Variants in SAMHD1 observed in about 807,000 individuals in gnomAD.
SAMHD1 encodes deoxynucleoside triphosphate triphosphohydrolase SAMHD1.
Under a neutral mutation model 79.6 loss-of-function variants are expected in SAMHD1, and 54 were observed. The ratio of observed to expected loss-of-function variants is 0.68; its 90% CI spans 0.55 to 0.85. SAMHD1 has a LOEUF of 0.85. Among genes scored for constraint, SAMHD1 ranks in the 40% least tolerant of loss-of-function variants. SAMHD1 has a pLI of 0.00. For missense variants in SAMHD1, 663 were observed against 782.7 expected, an observed-to-expected ratio of 0.85 and a Z score of 1.82; for synonymous variants, 260 against 264.1, an observed-to-expected ratio of 0.98 and a Z score of 0.15.
In SAMHD1 at chr20:36,892,629, A is replaced by G. The variant is rs565728119; in HGVS notation, c.*303T>C. ...GCAACAGAGCAAAACCTTGTCTCTT[A>G]AAAAAGAAAAAAAATAGAGTTCAGA... On this transcript the variant is annotated 3_prime_UTR_variant, in exon 16 of 16. Transcript: ENST00000646673. 115 of 385,004 alleles carry G rather than the reference A, an allele frequency of 3.0e-4. No individual in the cohort carries two copies. Among genetic ancestry groups the G allele is most frequent in the South Asian group, 2.7e-3 (112 of 42,122 alleles). 23.8% of individuals were successfully genotyped at this position (385,004 alleles called of 1,614,324 possible).
At chr20:36,905,292 C>T (rs555184678) in intron 12 of SAMHD1, 72 bp downstream of exon 12, 32 of 1,486,208 alleles carry the variant, frequency 2.2e-5, no homozygotes, top group South Asian at 7.9e-5. Flanking sequence ...CATAGTATCA[C>T]GATAGGTTAG....
At chr20:36,937,223 T>G (rs1180950197) in intron 3 of SAMHD1, among the ~76,000 whole-genome samples, 2 of 151,740 alleles carry the variant, frequency 1.3e-5, no homozygotes, top group East Asian at 3.9e-4. Context: ...CTCTTCACCA[T>G]TACACAATCT....
chr20:36,905,658 A>G (rs1211718375), intron 11 of SAMHD1, among the ~76,000 whole-genome samples, 155 bp from the exon 12 acceptor site: 2 of 152,180 alleles, frequency 1.3e-5, no homozygotes, highest in Non-Finnish European at 2.9e-5. Context: ...AAAAGATTTA[A>G]GTGAAAAAAC....
At chr20:36,929,945 G>A (rs1211093006) in intron 5 of SAMHD1, among the ~76,000 whole-genome samples, 1 of 151,964 alleles carries the variant, frequency 6.6e-6, no homozygotes, top group African/African-American at 2.4e-5. Context: ...GAAGGACAAG[G>A]CCAGGCGCGG....
chr20:36,920,309 T>G (rs1601132956), intron 6 of SAMHD1, among the ~76,000 whole-genome samples: 1 of 151,806 alleles, frequency 6.6e-6, no homozygotes, highest in Non-Finnish European at 1.5e-5. Flanking sequence ...AGAGGCAGGG[T>G]CTTGATTTGT....
intron 9 of SAMHD1, among the ~76,000 whole-genome samples, chr20:36,912,898 T>TTTTG (rs1411002436): frequency 7.7e-6 from 1 of 130,084 alleles, no homozygotes; most frequent in African/African-American, 3.2e-5. Context: ...TGTTTTTTTT[T>TTTTG]TTTTTTTTTT....
chr20:36,946,404 C>T (rs2063686690), intron 2 of SAMHD1: 5 of 264,576 alleles, frequency 1.9e-5, no homozygotes, highest in South Asian at 1.9e-4. Context: ...CAGAGCGAGA[C>T]TCTGTCTCAA....
At chr20:36,940,652 T>TCTCGG in intron 3 of SAMHD1, 1 of 275,454 alleles carries the variant, frequency 3.6e-6, no homozygotes, top group South Asian at 3.7e-5. Context: ...TGAGCTGAGA[T>TCTCGG]TGCACCACTG....
chr20:36,926,790 AAGTT>A lies in SAMHD1; in HGVS notation c.696+388_696+391del, dbSNP rs758944948. ...ATTTAATATATATGACTTGGCTGGT[AAGTT>A]AGTTCGTGGTCATACCAAATGTGTC... is the stretch of plus-strand genomic sequence containing the variant. On this transcript the variant is annotated intron_variant, in intron 6 of 15. Transcript: ENST00000646673. Among the ~76,000 whole-genome samples the A allele has an allele frequency of 9.1e-4, 138 of 152,288 alleles. 1 individual carries two copies. The highest frequency in any genetic ancestry group is 2.6e-3 in the Admixed American group (39 of 15,284).
At position 36,897,928 on chromosome 20, in the gene SAMHD1, T is replaced by C. The variant is rs770698943; in HGVS notation, c.1640A>G (p.Glu547Gly). The C allele has an allele frequency of 6.2e-7, 1 of 1,614,212 alleles. No individual in the cohort carries two copies. The highest frequency in any genetic ancestry group is 1.7e-5 in the Admixed American group (1 of 60,022). The change falls in exon 15 of 16, where the codon GAG becomes GGG. Residue 547 changes from glutamate (E) to glycine (G), a missense_variant. Transcript: ENST00000646673. ...CTTACAATATACTCGAATCAGCTGCTCTGCAAATTTCTCTGGCAGAAGTTG... is the reference window on the plus strand; with the variant it reads ...CTTACAATATACTCGAATCAGCTGCCCTGCAAATTTCTCTGGCAGAAGTTG... ...VSQLLPEKFAEQLIRVYCKKV... is the reference protein window; with the variant it reads ...VSQLLPEKFAGQLIRVYCKKV...
chr20:36,926,764 C>G (rs2063538789), intron 6 of SAMHD1, among the ~76,000 whole-genome samples: 1 of 152,120 alleles, frequency 6.6e-6, no homozygotes, highest in Non-Finnish European at 1.5e-5. Flanking sequence ...TAAAATGATT[C>G]ATTTAATATA....
At chr20:36,927,102 G>T (rs1482264779) in intron 6 of SAMHD1, 80 bp downstream of exon 6, 15 of 1,256,454 alleles carry the variant, frequency 1.2e-5, no homozygotes, top group Non-Finnish European at 4.7e-6. Context: ...CACAGTAGTG[G>T]AACCAAACAG....
chr20:36,928,183 T>C (rs1371512130), intron 5 of SAMHD1, among the ~76,000 whole-genome samples: 2 of 144,806 alleles, frequency 1.4e-5, no homozygotes, highest in South Asian at 4.4e-4. Flanking sequence ...AGTCAGGAGT[T>C]CGAGACCAGC....
intron 2 of SAMHD1, among the ~76,000 whole-genome samples, chr20:36,945,271 T>G (rs532063325): frequency 6.6e-6 from 1 of 152,314 alleles, no homozygotes; most frequent in African/African-American, 2.4e-5. Context: ...CAACACTTTA[T>G]GTACATCATC....
chr20:36,914,998 T>A (rs571245756), intron 9 of SAMHD1, among the ~76,000 whole-genome samples: 1 of 151,592 alleles, frequency 6.6e-6, no homozygotes, highest in African/African-American at 2.4e-5. Flanking sequence ...GGTGACAGAG[T>A]AAGATCCTGT....
At chr20:36,942,934 GC>G (rs2063657471) in intron 2 of SAMHD1, among the ~76,000 whole-genome samples, 1 of 152,132 alleles carries the variant, frequency 6.6e-6, no homozygotes, top group Non-Finnish European at 1.5e-5. Flanking sequence ...GGGATTAAAG[GC>G]CTGAGCCACC....
At chr20:36,936,553 G>A (rs549019002) in intron 3 of SAMHD1, among the ~76,000 whole-genome samples, 14 of 152,008 alleles carry the variant, frequency 9.2e-5, no homozygotes, top group African/African-American at 2.4e-4. Flanking sequence ...GTGTCCGCCC[G>A]CCTCAGCCTC....
intron 5 of SAMHD1, 40 bp downstream of exon 5, chr20:36,930,720 A>G: frequency 7.4e-7 from 1 of 1,352,440 alleles, no homozygotes; most frequent in Non-Finnish European, 1.1e-6. Flanking sequence ...AACATATGTT[A>G]TGATTTTACA....
intron 10 of SAMHD1, 88 bp from the exon 11 acceptor site, chr20:36,911,421 G>A: frequency 1.2e-6 from 1 of 831,734 alleles, no homozygotes; most frequent in East Asian, 2.5e-5. Context: ...TCTACTTTAG[G>A]GAAACAAAAT....
Sources: allele counts gnomAD v4.1 joint callset (sites outside exome capture counted in the v4.1 genomes callset), GRCh38; gene constraint gnomAD v4.1.1; transcripts MANE v1.5; gene names NCBI Gene and HGNC (gene_info 2026-07-23, HGNC 2026-07-21).